HEATR5A: variants seen among roughly 807,000 people sequenced by gnomAD.
The protein encoded by HEATR5A is HEAT repeat-containing protein 5A.
A neutral mutation model predicts 218.8 loss-of-function variants in HEATR5A; 178 were observed. The observed-to-expected ratio is 0.81, with a 90% CI of 0.72 to 0.92. The LOEUF (loss-of-function observed/expected upper bound fraction) is 0.92, where lower values mean the gene tolerates loss of function less well. Among genes scored for constraint, HEATR5A ranks in the 40% least tolerant of loss-of-function variants. The pLI is 0.00. For synonymous variants in HEATR5A, 864 were observed against 871.6 expected, an observed-to-expected ratio of 0.99 and a Z score of 0.15; for missense variants, 2,420 against 2,418.9, an observed-to-expected ratio of 1.00 and a Z score of -0.01.
In HEATR5A at chr14:31,343,904, A is replaced by C. The variant is rs764498818; in HGVS notation, c.3220T>G (p.Cys1074Gly). The change falls in exon 21 of 36, where the codon TGC becomes GGC. Residue 1074 changes from cysteine to glycine, a missense_variant. Physicochemically the swap from Cys to Gly is radical, Grantham distance 159. Transcript: ENST00000543095. ...RHVNLSSLVS[C>G]LCVNLCSPYL... The stretch of plus-strand genomic sequence containing the variant: ...TACAATTCTATACTCACACAGAGGC[A>C]GCTAACCAGGCTAGACAAGTTGACA... The C allele has an allele frequency of 5.0e-6, 8 of 1,592,408 alleles. No individual in the cohort carries two copies. Among genetic ancestry groups the C allele is most frequent in the African/African-American group, 1.4e-5 (1 of 73,718 alleles).
At position 31,387,165 on chromosome 14, in the gene HEATR5A, C is replaced by T. The variant is rs749046050; in HGVS notation, c.1144G>A (p.Val382Ile). 4 of 1,613,842 alleles carry T rather than the reference C, an allele frequency of 2.5e-6. No individual in the cohort carries two copies. The highest frequency in any genetic ancestry group is 1.1e-5 in the South Asian group (1 of 91,090). ...LLGEKAQLAA[V>I]KDICQAIWKL... ...CAGATGGCCTGGCAAATATCCTTTA[C>T]AGCAGCAAGCTGAGCCTTTTCTCCA... is the stretch of plus-strand genomic sequence containing the variant. The change falls in exon 8 of 36, where the codon GTA (valine) becomes ATA (isoleucine). Residue 382 changes from valine to isoleucine, a missense_variant. Transcript: ENST00000543095.
intron 1 of HEATR5A, among the ~76,000 whole-genome samples, chr14:31,404,538 C>G (rs1458187992): frequency 6.6e-6 from 1 of 152,134 alleles, no homozygotes; most frequent in Non-Finnish European, 1.5e-5. Flanking sequence ...TAGTCACAAA[C>G]TGGTTCCCTG....
chr14:31,393,703 G>A (rs1385927214), intron 6 of HEATR5A, among the ~76,000 whole-genome samples: 1 of 151,852 alleles, frequency 6.6e-6, no homozygotes, highest in Non-Finnish European at 1.5e-5. Context: ...TCCAGGCTGA[G>A]ATTGTGCAGT....
Position 31,323,737 on chromosome 14 carries a change from T to C in HEATR5A, c.3615A>G (p.Ser1205=). 1 of 1,612,214 alleles carries C rather than the reference T, an allele frequency of 6.2e-7. No individual in the cohort carries two copies. The highest frequency in any genetic ancestry group is 8.5e-7 in the Non-Finnish European group (1 of 1,178,346). Residue 1205 remains serine (S), a synonymous_variant, in exon 24 of 36, where the codon TCA becomes TCG. Coordinates refer to ENST00000543095, the MANE Select transcript of HEATR5A (RefSeq NM_015473.4). ...TTTCATCACGTCTGGTGGTCAGGAC[T>C]GAGGCATCATCCCCTTTATCTCCTT... ...EEEGDKGDDA[S]VLTTRRDEKS...
rs748675998 is a variant in HEATR5A at position 31,326,350 on chromosome 14, GAAGAA to G, written c.3368-13_3368-9del. 2 of 1,599,586 alleles carry G rather than the reference GAAGAA, an allele frequency of 1.3e-6. No individual in the cohort carries two copies. Among genetic ancestry groups the G allele is most frequent in the Non-Finnish European group, 1.7e-6 (2 of 1,173,602 alleles). ...CTTCTCTGATGTTAGCATCTGACAA[GAAGAA>G]AATCAATTATCTAAGTAATACAGAA... On this transcript the variant is annotated splice_polypyrimidine_tract_variant and intron_variant, in intron 22 of 35. Coordinates refer to ENST00000543095, the MANE Select transcript of HEATR5A (RefSeq NM_015473.4).
rs79411654 is a variant in HEATR5A at position 31,401,356 on chromosome 14, T to C, written c.127-844A>G. On this transcript the variant is annotated intron_variant, in intron 2 of 35. Transcript: ENST00000543095. ...CACTTCCCCGCAACCCTTCCTGCCA[T>C]GATGTGAAGAAGGTCCTCACTTTCC... is the stretch of plus-strand genomic sequence containing the variant. 3.4e-4 allele frequency among the ~76,000 whole-genome samples: 52 copies of C among 152,280 alleles called. No homozygotes were observed. In the East Asian group the frequency reaches 7.7e-3, roughly 23 times the overall value.
At chr14:31,375,268 C>T (rs1163679258) in intron 11 of HEATR5A, among the ~76,000 whole-genome samples, 1 of 152,102 alleles carries the variant, frequency 6.6e-6, no homozygotes, top group Non-Finnish European at 1.5e-5. Context: ...AAGCTAAAGC[C>T]CCCTGTAATG....
At position 31,345,203 on chromosome 14, in the gene HEATR5A, G is replaced by A; in HGVS notation, c.2942C>T (p.Thr981Ile). ...GPLYYVHVEP[T>I]LSLIIMLLLN... ...CAACAACATTATAATAAGAGAAAGG[G>A]TAGGTTCCACATGCACATAATAGAG... The change falls in exon 20 of 36, where the codon ACC becomes ATC. Residue 981 changes from threonine to isoleucine, a missense_variant. Coordinates refer to ENST00000543095, the MANE Select transcript of HEATR5A (RefSeq NM_015473.4). 1 of 1,613,522 alleles carries A rather than the reference G, an allele frequency of 6.2e-7. No individual in the cohort carries two copies. Among genetic ancestry groups the A allele is most frequent in the Non-Finnish European group, 8.5e-7 (1 of 1,179,490 alleles).
At chr14:31,311,018 AAACCAACCAACCAACC>A (rs57787677) in intron 28 of HEATR5A, among the ~76,000 whole-genome samples, 46,063 of 148,678 alleles carry the variant, frequency 0.31, 8,587 homozygotes, top group Non-Finnish European at 0.4. Context: ...CTGTCTCTAA[AAACCAACCAACCAACC>A]AACCAACCAA....
intron 12 of HEATR5A, among the ~76,000 whole-genome samples, chr14:31,374,030 G>T (rs1167413111): frequency 1.3e-5 from 2 of 152,108 alleles, no homozygotes; most frequent in South Asian, 4.1e-4. Context: ...GTGGGGCTGG[G>T]TGTGGTGACT....
chr14:31,305,429 A>G (rs995275606), intron 31 of HEATR5A, among the ~76,000 whole-genome samples: 1 of 151,970 alleles, frequency 6.6e-6, no homozygotes, highest in Non-Finnish European at 1.5e-5. Flanking sequence ...TGCCCAGCTA[A>G]TTTTTGTATT....
chr14:31,345,165 G>A lies in HEATR5A; in HGVS notation c.2980C>T (p.Pro994Ser). The A allele has an allele frequency of 1.9e-6, 3 of 1,613,948 alleles. No homozygotes were observed. In the East Asian group the frequency reaches 6.7e-5, roughly 36 times the overall value. ...CTTTGGTGAACTTCAGCATGAGTAG[G>A]AGGCACATTTAACAACAACATTATA... ...LIIMLLLNVP[P>S]THAEVHQSLG... is the part of the protein sequence containing the mutation. Residue 994 changes from proline to serine, a missense_variant, in exon 20 of 36, where the codon CCT becomes TCT. Coordinates refer to ENST00000543095, the MANE Select transcript of HEATR5A (RefSeq NM_015473.4).
intron 18 of HEATR5A, among the ~76,000 whole-genome samples, chr14:31,349,362 C>A (rs533436688): frequency 6.6e-6 from 1 of 151,276 alleles, no homozygotes; most frequent in African/African-American, 2.4e-5. Flanking sequence ...CCAGCCTGGG[C>A]GACAGGGTGA....
At chr14:31,338,399 T>TTA (rs1313543969) in intron 21 of HEATR5A, among the ~76,000 whole-genome samples, 4 of 151,938 alleles carry the variant, frequency 2.6e-5, no homozygotes, top group Non-Finnish European at 5.9e-5. Flanking sequence ...ACACCAAATT[T>TTA]TATATATATA....
At chr14:31,369,620 A>C (rs952963940) in intron 13 of HEATR5A, among the ~76,000 whole-genome samples, 10 of 148,900 alleles carry the variant, frequency 6.7e-5, no homozygotes, top group African/African-American at 2.5e-4. Flanking sequence ...AAAAAAAAAA[A>C]AAAAAAAAAA....
Position 31,358,959 on chromosome 14 carries a change from G to A in HEATR5A, c.2170C>T (p.Gln724Ter). The A allele has an allele frequency of 6.3e-7, 1 of 1,590,180 alleles. No individual in the cohort carries two copies. Reference sequence around the variant, plus strand: ...GGACTTAGTATCAAAAGATCATCCTGATGACAGAGGGGTGGAAGTAAAAAT... The same window carrying A: ...GGACTTAGTATCAAAAGATCATCCTAATGACAGAGGGGTGGAAGTAAAAAT... ...STFLLPPLCHQDDLLILSPFL... is the reference protein window; with the variant it reads ...STFLLPPLCH The change falls in exon 15 of 36, where the codon CAG becomes TAG. Residue 724 changes from glutamine (Q) to a stop codon, truncating the protein, a stop_gained. Transcript: ENST00000543095. LOFTEE classifies it high-confidence loss of function.
intron 1 of HEATR5A, among the ~76,000 whole-genome samples, chr14:31,407,171 G>A (rs2031099634): frequency 6.6e-6 from 1 of 151,898 alleles, no homozygotes; most frequent in South Asian, 2.1e-4. Flanking sequence ...CACACCTGCA[G>A]TCCCAGCTAC....
chr14:31,374,900 G>A lies in HEATR5A; in HGVS notation c.1777C>T (p.Pro593Ser). The change falls in exon 12 of 36, where the codon CCT becomes TCT. Residue 593 changes from proline (P) to serine (S), a missense_variant. Physicochemically the swap from Pro to Ser is moderately conservative, Grantham distance 74. Coordinates refer to ENST00000543095, the MANE Select transcript of HEATR5A (RefSeq NM_015473.4). ...LLWKCVFPAS[P>S]KDLETEKSRG... ...CTCTTTTCTGTTTCTAGATCTTTAGGAGATGCTGGAAAGACACACTTCCAC... is the reference window on the plus strand; with the variant it reads ...CTCTTTTCTGTTTCTAGATCTTTAGAAGATGCTGGAAAGACACACTTCCAC... 1 of 1,613,188 alleles carries A rather than the reference G, an allele frequency of 6.2e-7. No individual in the cohort carries two copies. The highest frequency in any genetic ancestry group is 8.5e-7 in the Non-Finnish European group (1 of 1,179,582).
chr14:31,344,299 A>G (rs1364914064), intron 20 of HEATR5A, among the ~76,000 whole-genome samples: 1 of 54,010 alleles, frequency 1.9e-5, no homozygotes, highest in Admixed American at 2.7e-4. Flanking sequence ...TTTTTTTGAG[A>G]CAGAGTCTCA....
Sources: allele counts gnomAD v4.1 joint callset (sites outside exome capture counted in the v4.1 genomes callset), GRCh38; gene constraint gnomAD v4.1.1; transcripts MANE v1.5; gene names NCBI Gene and HGNC (gene_info 2026-07-23, HGNC 2026-07-21).